The following NPNT variants were observed in gnomAD, a reference collection of about 807,000 sequenced individuals.
NPNT encodes preosteoblast EGF-like repeat protein with MAM domain.
Under a neutral mutation model 68.6 loss-of-function variants are expected in NPNT, and 45 were observed. The ratio of observed to expected loss-of-function variants is 0.66; its 90% CI spans 0.52 to 0.84. NPNT has a LOEUF of 0.84. NPNT is among the 40% of genes least tolerant of loss of function. The pLI is 0.00. For synonymous variants in NPNT, 233 were observed against 253.3 expected (o/e 0.92, Z 0.76); for missense variants, 672 against 714.8 (o/e 0.94, Z 0.68).
At chr4:105,931,430 G>A (rs754638312) in intron 3 of NPNT, among the ~76,000 whole-genome samples, 3 of 151,990 alleles carry the variant, frequency 2.0e-5, no homozygotes, top group Admixed American at 6.6e-5. Context: ...TAATTTTGTG[G>A]ACTAGTTACA....
intron 4 of NPNT, among the ~76,000 whole-genome samples, 163 bp downstream of exon 4, chr4:105,937,291 C>G (rs1201886026): frequency 6.6e-6 from 1 of 152,026 alleles, no homozygotes; most frequent in Non-Finnish European, 1.5e-5. Flanking sequence ...TAAGAGGCAC[C>G]ATTTTCGATG....
In NPNT at chr4:105,901,173, C is replaced by T. The variant is rs965649947; in HGVS notation, c.172+3172C>T. Among the ~76,000 whole-genome samples the T allele has an allele frequency of 5.3e-5, 8 of 152,262 alleles. No individual in the cohort carries two copies. In the East Asian group the frequency reaches 1.5e-3, roughly 29 times the overall value. ...GGAGACCTCTGTAACAAAGATTTTT[C>T]AGGGTTGCATATTTCATCTTTAAAA... is the stretch of plus-strand genomic sequence containing the variant. On this transcript the variant is annotated intron_variant, in intron 2 of 11. Coordinates refer to ENST00000379987, the MANE Select transcript of NPNT (RefSeq NM_001033047.3).
intron 8 of NPNT, among the ~76,000 whole-genome samples, chr4:105,955,690 C>CT (rs34300696): frequency 1.1e-4 from 16 of 150,260 alleles, no homozygotes; most frequent in South Asian, 2.1e-4. Context: ...CTCTTTAGTC[C>CT]TTTTTTTTTG....
chr4:105,902,090 T>C (rs1726468579), intron 2 of NPNT, among the ~76,000 whole-genome samples: 1 of 152,238 alleles, frequency 6.6e-6, no homozygotes, highest in Non-Finnish European at 1.5e-5. Flanking sequence ...AAATGGAACA[T>C]GATTTATTTT....
chr4:105,912,038 C>A, intron 2 of NPNT: 1 of 633,808 alleles, frequency 1.6e-6, no homozygotes, highest in Non-Finnish European at 2.8e-6. Context: ...CTATTTTAAA[C>A]ATGTCCTAGA....
chr4:105,965,192 T>C (rs1732019354), intron 10 of NPNT, among the ~76,000 whole-genome samples: 1 of 152,198 alleles, frequency 6.6e-6, no homozygotes. Context: ...TGTGATACTG[T>C]AAACTGAATG....
At chr4:105,954,691 A>G (rs755385368) in intron 8 of NPNT, among the ~76,000 whole-genome samples, 3 of 151,962 alleles carry the variant, frequency 2.0e-5, no homozygotes, top group Non-Finnish European at 4.4e-5. Context: ...AGCAATTCTG[A>G]TGTTTCAGTC....
At chr4:105,922,288 G>A (rs1212250358) in intron 2 of NPNT, among the ~76,000 whole-genome samples, 1 of 151,744 alleles carries the variant, frequency 6.6e-6, no homozygotes, top group Non-Finnish European at 1.5e-5. Context: ...TGATGTGGGA[G>A]TTTACTTTTC....
At chr4:105,962,873 G>GTGTGTA (rs1731837904) in intron 10 of NPNT, among the ~76,000 whole-genome samples, 1 of 127,628 alleles carries the variant, frequency 7.8e-6, no homozygotes, top group Non-Finnish European at 1.7e-5. Context: ...GTGTGTGTAT[G>GTGTGTA]TGTGTGTGTG....
intron 4 of NPNT, among the ~76,000 whole-genome samples, chr4:105,937,660 T>C (rs1335617564): frequency 1.3e-5 from 2 of 152,158 alleles, no homozygotes; most frequent in Admixed American, 6.5e-5. Context: ...AATAAATGAA[T>C]ATGATACCAG....
intron 2 of NPNT, among the ~76,000 whole-genome samples, chr4:105,901,070 T>C (rs939875118): frequency 2.0e-5 from 3 of 152,168 alleles, no homozygotes; most frequent in African/African-American, 7.2e-5. Context: ...ACAAAATGTG[T>C]GTTTCTTGCT....
intron 6 of NPNT, 64 bp downstream of exon 6, chr4:105,940,273 G>T: frequency 6.6e-7 from 1 of 1,521,420 alleles, no homozygotes; most frequent in South Asian, 1.1e-5. Flanking sequence ...TCTCGTAATT[G>T]TGGTGATGGC....
intron 8 of NPNT, among the ~76,000 whole-genome samples, chr4:105,953,739 T>C (rs1008751673): frequency 1.3e-5 from 2 of 152,324 alleles, no homozygotes; most frequent in Middle Eastern, 6.8e-3. Flanking sequence ...TAATTACATA[T>C]GTACCATTCT....
chr4:105,909,314 G>A (rs1375656438), intron 2 of NPNT, among the ~76,000 whole-genome samples: 2 of 152,024 alleles, frequency 1.3e-5, no homozygotes, highest in Admixed American at 1.3e-4. Flanking sequence ...TGTCTCTTGG[G>A]TTGAGTTTTT....
At chr4:105,947,842 G>A (rs112975016) in intron 8 of NPNT, among the ~76,000 whole-genome samples, 112 of 151,948 alleles carry the variant, frequency 7.4e-4, no homozygotes, top group East Asian at 1.7e-3. Flanking sequence ...TACTGATCAC[G>A]GGGGGGTTTC....
chr4:105,970,292 T>TA lies in NPNT; in HGVS notation c.*1308dup, dbSNP rs1453437702. On this transcript the variant is annotated 3_prime_UTR_variant, in exon 12 of 12. Coordinates refer to ENST00000379987, the MANE Select transcript of NPNT (RefSeq NM_001033047.3). ...CTCCCTGCATATTTTACCAATATAT[T>TA]AAAAAACAATGTAACTTTTAAAAGG... 5 of 608,396 alleles carry TA rather than the reference T, an allele frequency of 8.2e-6. No homozygotes were observed. The highest frequency in any genetic ancestry group is 5.8e-5 in the South Asian group (3 of 51,516). The allele number at this position is 608,396 out of a possible 1,614,324, so 37.7% of individuals were successfully genotyped here. A position where few individuals can be genotyped will look rare whatever the true frequency, so the allele number is the denominator to read the frequency against.
intron 2 of NPNT, among the ~76,000 whole-genome samples, chr4:105,926,532 A>G (rs1728695201): frequency 6.6e-6 from 1 of 152,316 alleles, no homozygotes; most frequent in South Asian, 2.1e-4. Context: ...ATGTCTCCAG[A>G]CATTTCCAAA....
At chr4:105,964,856 G>T (rs1266162431) in intron 10 of NPNT, among the ~76,000 whole-genome samples, 1 of 152,132 alleles carries the variant, frequency 6.6e-6, no homozygotes, top group Non-Finnish European at 1.5e-5. Flanking sequence ...TGGCTAAATG[G>T]TTATTGGCAT....
intron 2 of NPNT, among the ~76,000 whole-genome samples, chr4:105,918,980 T>G (rs1215666828): frequency 6.6e-6 from 1 of 152,090 alleles, no homozygotes; most frequent in Non-Finnish European, 1.5e-5. Flanking sequence ...TCTGTATAGG[T>G]TGCACATTTC....
Sources: gnomAD v4.1 joint callset for allele counts (sites outside exome capture counted in the v4.1 genomes callset) on GRCh38, gnomAD v4.1.1 for gene constraint, MANE v1.5 for transcripts, NCBI Gene and HGNC (gene_info 2026-07-23, HGNC 2026-07-21) for gene names.